Variants in TMC1 observed in about 807,000 individuals in gnomAD.
The protein encoded by TMC1 is transmembrane channel-like protein 1.
In TMC1, 84 loss-of-function variants were observed where a neutral mutation model predicts 105.8. The observed-to-expected ratio is 0.79, with a 90% confidence interval of 0.67 to 0.95. TMC1 has a LOEUF of 0.95. Among genes scored for constraint, TMC1 ranks in the 40% least tolerant of loss-of-function variants. The probability of loss-of-function intolerance (pLI) is 0.00; values close to 1 mark genes in which losing one functional copy is unlikely to be tolerated. For synonymous variants in TMC1, 315 were observed against 311.5 expected (o/e 1.01, Z -0.12); for missense variants, 817 against 914.1 (o/e 0.89, Z 1.37).
intron 10 of TMC1, among the ~76,000 whole-genome samples, chr9:72,748,281 G>A (rs564098801): frequency 6.6e-6 from 1 of 152,188 alleles, no homozygotes; most frequent in South Asian, 2.1e-4. Flanking sequence ...CCATTTCGTA[G>A]GGATTTGATG....
In TMC1 at chr9:72,694,719, G is replaced by C. The variant is rs1286476822; in HGVS notation, c.236+5G>C. ...GAGGAGGCTAAAGAGAGGAGCGTAA[G>C]TTAGTTCTGATATTCTTTCAAAAGT... is the stretch of plus-strand genomic sequence containing the variant. On this transcript the variant is annotated splice_donor_5th_base_variant and intron_variant, in intron 7 of 23. Coordinates refer to ENST00000297784, the MANE Select transcript of TMC1 (RefSeq NM_138691.3). 1 of 1,603,172 alleles carries C rather than the reference G, an allele frequency of 6.2e-7. No homozygotes were observed. The highest frequency in any genetic ancestry group is 8.5e-7 in the Non-Finnish European group (1 of 1,174,206).
intron 7 of TMC1, among the ~76,000 whole-genome samples, chr9:72,695,385 ATACTT>A (rs1257194720): frequency 6.6e-6 from 1 of 152,166 alleles, no homozygotes; most frequent in Non-Finnish European, 1.5e-5. Context: ...ATCCAAGAAA[ATACTT>A]TTCTTCTTTT....
intron 3 of TMC1, among the ~76,000 whole-genome samples, chr9:72,627,462 A>C (rs1214309031): frequency 6.6e-6 from 1 of 152,060 alleles, no homozygotes; most frequent in Non-Finnish European, 1.5e-5. Context: ...CAGTGGCCTC[A>C]TTTGGCTCCT....
At chr9:72,621,260 A>G (rs1825243362) in intron 3 of TMC1, among the ~76,000 whole-genome samples, 1 of 152,198 alleles carries the variant, frequency 6.6e-6, no homozygotes, top group Admixed American at 6.5e-5. Flanking sequence ...TGAAAAACAT[A>G]TATCCTTGGA....
intron 1 of TMC1, among the ~76,000 whole-genome samples, chr9:72,568,848 G>GACAT (rs1274635989): frequency 2.0e-5 from 3 of 152,004 alleles, no homozygotes; most frequent in Non-Finnish European, 4.4e-5. Context: ...AACAGAAGGG[G>GACAT]ACATTATCAG....
At chr9:72,637,822 G>C (rs1161025095) in intron 4 of TMC1, among the ~76,000 whole-genome samples, 1 of 152,218 alleles carries the variant, frequency 6.6e-6, no homozygotes, top group Non-Finnish European at 1.5e-5. Context: ...AGATGTGGTT[G>C]ATTCAAATTT....
intron 1 of TMC1, among the ~76,000 whole-genome samples, chr9:72,529,874 G>T (rs562119247): frequency 6.6e-6 from 1 of 152,216 alleles, no homozygotes; most frequent in African/African-American, 2.4e-5. Context: ...AGAGAATCAG[G>T]AAAGATTGAA....
chr9:72,668,243 C>T (rs1002745164), intron 5 of TMC1, among the ~76,000 whole-genome samples: 1 of 152,046 alleles, frequency 6.6e-6, no homozygotes, highest in Admixed American at 6.6e-5. Flanking sequence ...TATTTGTTTT[C>T]ATAATTTGTT....
intron 6 of TMC1, among the ~76,000 whole-genome samples, chr9:72,690,461 A>G (rs980932707): frequency 1.2e-4 from 19 of 152,012 alleles, no homozygotes; most frequent in African/African-American, 4.3e-4. Flanking sequence ...GTTGCTCTTT[A>G]GTGTCCTCTC....
chr9:72,792,445 A>G (rs1828289049), intron 17 of TMC1, 93 bp downstream of exon 17: 2 of 1,445,170 alleles, frequency 1.4e-6, no homozygotes, highest in Non-Finnish European at 9.7e-7. Context: ...AAAATTGCTT[A>G]TTAGTAAAAA....
At chr9:72,767,779 G>A (rs913407988) in intron 12 of TMC1, among the ~76,000 whole-genome samples, 1 of 152,174 alleles carries the variant, frequency 6.6e-6, no homozygotes, top group Admixed American at 6.5e-5. Context: ...GGGTGGGAGA[G>A]TGCTCCCATG....
At chr9:72,819,083 C>T (rs778537900) in intron 19 of TMC1, among the ~76,000 whole-genome samples, 1 of 152,104 alleles carries the variant, frequency 6.6e-6, no homozygotes, top group African/African-American at 2.4e-5. Context: ...ATCGTAGCAG[C>T]TCATAAAAGG....
intron 12 of TMC1, among the ~76,000 whole-genome samples, chr9:72,763,681 C>T (rs987823010): frequency 1.1e-4 from 16 of 152,012 alleles, no homozygotes; most frequent in African/African-American, 2.9e-4. Context: ...CTGAGTAAAA[C>T]GAGAGAGCTC....
chr9:72,571,484 G>C (rs1824284148), intron 1 of TMC1, among the ~76,000 whole-genome samples: 1 of 141,386 alleles, frequency 7.1e-6, no homozygotes, highest in Admixed American at 7.4e-5. Flanking sequence ...GTCTCGCTCT[G>C]TCGCCCAGGC....
intron 2 of TMC1, among the ~76,000 whole-genome samples, chr9:72,606,599 T>A (rs952184826): frequency 6.6e-6 from 1 of 152,180 alleles, no homozygotes. Context: ...CTTTGAAGTA[T>A]TTTTAGCTGC....
chr9:72,683,915 C>T (rs1826335320), intron 5 of TMC1, among the ~76,000 whole-genome samples: 1 of 150,560 alleles, frequency 6.6e-6, no homozygotes. Context: ...CTCCTTTCTC[C>T]TCTCATTCTT....
intron 2 of TMC1, among the ~76,000 whole-genome samples, chr9:72,587,989 A>G (rs1280948601): frequency 6.6e-6 from 1 of 151,938 alleles, no homozygotes; most frequent in African/African-American, 2.4e-5. Context: ...GGGTGTCACC[A>G]TGTTGGCCAG....
intron 2 of TMC1, among the ~76,000 whole-genome samples, chr9:72,604,419 A>T (rs1824875610): frequency 6.6e-6 from 1 of 152,218 alleles, no homozygotes. Context: ...ATTAATATAG[A>T]ATTATTTACA....
intron 2 of TMC1, among the ~76,000 whole-genome samples, chr9:72,582,313 A>G (rs566610693): frequency 6.6e-6 from 1 of 152,354 alleles, no homozygotes; most frequent in South Asian, 2.1e-4. Context: ...AACAGCAAGA[A>G]AAACATATTT....
Sources: gnomAD v4.1 joint callset for allele counts (sites outside exome capture counted in the v4.1 genomes callset) on GRCh38, gnomAD v4.1.1 for gene constraint, MANE v1.5 for transcripts, NCBI Gene and HGNC (gene_info 2026-07-23, HGNC 2026-07-21) for gene names.